The following ZC3H13 variants were observed in gnomAD, a reference collection of about 807,000 sequenced individuals.
The protein encoded by ZC3H13 is zinc finger CCCH domain-containing protein 13.
Under a neutral mutation model 204.1 loss-of-function variants are expected in ZC3H13, and 64 were observed. The observed-to-expected ratio is 0.31, with a 90% CI of 0.26 to 0.39. ZC3H13 has a LOEUF of 0.39. ZC3H13 is among the 10% of genes least tolerant of loss of function. ZC3H13 has a pLI of 1.00. For missense variants in ZC3H13, 1,833 were observed against 2,082.7 expected (o/e 0.88, Z 2.33); for synonymous variants, 667 against 693.7 (o/e 0.96, Z 0.60).
intron 17 of ZC3H13, chr13:45,962,193 C>CCT: frequency 1.0e-6 from 1 of 985,278 alleles, no homozygotes; most frequent in Non-Finnish European, 1.2e-6. Context: ...GTAAACAAGA[C>CCT]AAAGTCTTTA....
At chr13:46,049,137 G>A (rs1385297891) in intron 1 of ZC3H13, among the ~76,000 whole-genome samples, 6 of 147,000 alleles carry the variant, frequency 4.1e-5, no homozygotes, top group Non-Finnish European at 9.0e-5. Context: ...GGCAACAGAG[G>A]GAGACTCCGT....
chr13:46,008,737 A>G (rs1388346666), intron 7 of ZC3H13, among the ~76,000 whole-genome samples: 1 of 152,200 alleles, frequency 6.6e-6, no homozygotes, highest in Non-Finnish European at 1.5e-5. Context: ...AGAGGATAAG[A>G]GCAAGTGAAG....
intron 4 of ZC3H13, among the ~76,000 whole-genome samples, chr13:46,022,214 T>G (rs2042260063): frequency 6.6e-6 from 1 of 151,890 alleles, no homozygotes; most frequent in African/African-American, 2.4e-5. Context: ...ACTCTGATGC[T>G]ACTCCCAGAG....
intron 3 of ZC3H13, among the ~76,000 whole-genome samples, chr13:46,043,932 G>GT (rs1393745188): frequency 1.3e-5 from 2 of 151,702 alleles, no homozygotes; most frequent in Admixed American, 1.3e-4. Context: ...GTTTCACCAG[G>GT]TATGTATCTA....
intron 7 of ZC3H13, among the ~76,000 whole-genome samples, chr13:46,006,014 G>C (rs1336197063): frequency 6.6e-6 from 1 of 150,932 alleles, no homozygotes; most frequent in Admixed American, 6.6e-5. Context: ...AGAACCGCTT[G>C]AACCCAGGAG....
chr13:45,972,491 C>T (rs1251513260), intron 12 of ZC3H13, among the ~76,000 whole-genome samples: 2 of 152,058 alleles, frequency 1.3e-5, no homozygotes, highest in Non-Finnish European at 2.9e-5. Flanking sequence ...ATGTTTGGTA[C>T]AATGTGGACT....
intron 4 of ZC3H13, among the ~76,000 whole-genome samples, chr13:46,032,268 C>T (rs538660407): frequency 1.2e-4 from 17 of 146,934 alleles, no homozygotes; most frequent in African/African-American, 4.0e-4. Context: ...TTTCTAAAAC[C>T]AGAAAAGTGA....
intron 1 of ZC3H13, among the ~76,000 whole-genome samples, chr13:46,046,966 A>G (rs2044013919): frequency 6.6e-6 from 1 of 152,216 alleles, no homozygotes; most frequent in African/African-American, 2.4e-5. Context: ...TTGAAATCTT[A>G]TCAATCATCA....
chr13:45,991,327 T>C (rs1297190191), intron 8 of ZC3H13, among the ~76,000 whole-genome samples: 2 of 152,208 alleles, frequency 1.3e-5, no homozygotes, highest in African/African-American at 4.8e-5. Flanking sequence ...TTGATGGCTA[T>C]AGCATGGAAG....
At chr13:45,979,746 A>T in intron 11 of ZC3H13, 67 bp downstream of exon 11, 2 of 1,453,122 alleles carry the variant, frequency 1.4e-6, no homozygotes, top group East Asian at 2.4e-5. Flanking sequence ...TAAATTGGTA[A>T]CTGTTTGAAA....
intron 3 of ZC3H13, among the ~76,000 whole-genome samples, chr13:46,044,465 A>G (rs1235242234): frequency 1.3e-5 from 2 of 152,116 alleles, no homozygotes; most frequent in Non-Finnish European, 2.9e-5. Context: ...ATATTCATCC[A>G]CATATAAATA....
rs1170635621 is a variant in ZC3H13, at chr13:45,980,064, C to A, written c.1721-60G>T. ...ATACACTTTATTCAACAAATTTCAT[C>A]AGTCATAATCTTTCCTCCTAAACAT... On this transcript the variant is annotated intron_variant, in intron 10 of 18. Transcript: ENST00000679008. The A allele has an allele frequency of 3.5e-6, 5 of 1,421,430 alleles. No individual in the cohort carries two copies. In the Admixed American group the frequency reaches 1.2e-4, roughly 35 times the overall value. The allele number at this position is 1,421,430 out of a possible 1,614,324, so 88.1% of individuals were successfully genotyped here. A position where few individuals can be genotyped will look rare whatever the true frequency, so the allele number is the denominator to read the frequency against.
intron 8 of ZC3H13, among the ~76,000 whole-genome samples, chr13:45,991,843 G>A (rs1234637809): frequency 6.6e-6 from 1 of 152,120 alleles, no homozygotes; most frequent in East Asian, 1.9e-4. Flanking sequence ...AGGATATGAT[G>A]TGGTGTGGAA....
At chr13:46,032,085 A>G (rs1373794271) in intron 4 of ZC3H13, among the ~76,000 whole-genome samples, 1 of 152,142 alleles carries the variant, frequency 6.6e-6, no homozygotes, top group Admixed American at 6.6e-5. Flanking sequence ...GTGGACTATG[A>G]GTAATAATAA....
In ZC3H13 at chr13:45,985,437, C is replaced by T. The variant is rs766481452; in HGVS notation, c.1580G>A (p.Arg527Gln). The T allele has an allele frequency of 4.3e-6, 7 of 1,614,072 alleles. No homozygotes were observed. The highest frequency in any genetic ancestry group is 1.6e-4 in the Middle Eastern group (1 of 6,084). Residue 527 changes from arginine (R) to glutamine (Q), a missense_variant, in exon 10 of 19, where the codon CGG becomes CAG. By Grantham distance (43) the Arg-to-Gln change is conservative. Around this residue, in one of 5 missense-constraint regions of ZC3H13, gnomAD observed 1,574 missense variants for 1,757.2 expected, o/e 0.90. Transcript: ENST00000679008. ...RKEDTYPEES[R>Q]SYGRNHLREE... ...TCTCAAATGGTTTCGGCCATAACTC[C>T]GGGATTCTTCTGGATATGTATCCTC... is the stretch of plus-strand genomic sequence containing the variant.
At chr13:46,000,439 A>AGATG (rs1203331601) in intron 8 of ZC3H13, among the ~76,000 whole-genome samples, 1 of 152,142 alleles carries the variant, frequency 6.6e-6, no homozygotes, top group African/African-American at 2.4e-5. Context: ...TGTGCTACGG[A>AGATG]GATGGCTTCA....
chr13:46,024,937 T>C (rs994756840), intron 4 of ZC3H13, among the ~76,000 whole-genome samples: 1 of 152,228 alleles, frequency 6.6e-6, no homozygotes, highest in African/African-American at 2.4e-5. Context: ...ATCAATTCCA[T>C]GTTTATCCCT....
chr13:46,042,354 T>C, intron 3 of ZC3H13, 79 bp from the exon 4 acceptor site: 1 of 889,714 alleles, frequency 1.1e-6, no homozygotes, highest in Non-Finnish European at 1.7e-6. Flanking sequence ...AATAACATTT[T>C]ATAAGAATGT....
At chr13:45,978,069 G>C (rs1953217580) in intron 11 of ZC3H13, among the ~76,000 whole-genome samples, 1 of 152,034 alleles carries the variant, frequency 6.6e-6, no homozygotes, top group South Asian at 2.1e-4. Flanking sequence ...CCTGTAAAGT[G>C]CTCCTTCTAT....
Sources: allele counts gnomAD v4.1 joint callset (sites outside exome capture counted in the v4.1 genomes callset), GRCh38; gene constraint gnomAD v4.1.1; regional missense constraint gnomAD v4.1.1; transcripts MANE v1.5; gene names NCBI Gene and HGNC (gene_info 2026-07-23, HGNC 2026-07-21).